Variants in SPATA16 observed in about 807,000 individuals in gnomAD.
SPATA16 encodes the protein spermatogenesis-associated protein 16.
In SPATA16, 36 loss-of-function variants were observed where a neutral mutation model predicts 63.3. The observed-to-expected ratio is 0.57, with a 90% CI of 0.44 to 0.75. The LOEUF (loss-of-function observed/expected upper bound fraction) is 0.75. Among genes scored for constraint, SPATA16 ranks in the 30% least tolerant of loss-of-function variants. The pLI, the probability that SPATA16 is intolerant of heterozygous loss-of-function variation, is 0.00. For missense variants in SPATA16, 646 were observed against 679.3 expected (o/e 0.95, Z 0.54); for synonymous variants, 203 against 216.7 (o/e 0.94, Z 0.56).
chr3:173,113,262 A>C (rs1000644058), intron 2 of SPATA16, among the ~76,000 whole-genome samples: 11 of 152,222 alleles, frequency 7.2e-5, no homozygotes, highest in Non-Finnish European at 1.0e-4. Context: ...ACAATATAAA[A>C]TAATATGAAT....
At chr3:173,021,004 C>T (rs1345126064) in intron 3 of SPATA16, among the ~76,000 whole-genome samples, 1 of 152,140 alleles carries the variant, frequency 6.6e-6, no homozygotes, top group Non-Finnish European at 1.5e-5. Flanking sequence ...ATCATAATTG[C>T]ACAAATTTAG....
At chr3:172,998,056 A>G (rs780603315) in intron 4 of SPATA16, among the ~76,000 whole-genome samples, 1 of 152,082 alleles carries the variant, frequency 6.6e-6, no homozygotes, top group African/African-American at 2.4e-5. Context: ...TTTAGGGTCA[A>G]TTTGTTTATA....
intron 3 of SPATA16, among the ~76,000 whole-genome samples, chr3:173,035,216 C>A (rs1735689614): frequency 6.6e-6 from 1 of 152,052 alleles, no homozygotes; most frequent in Non-Finnish European, 1.5e-5. Context: ...CAGTAATCAA[C>A]ACATCAAAAC....
intron 2 of SPATA16, among the ~76,000 whole-genome samples, chr3:173,090,769 A>G (rs770346897): frequency 9.2e-5 from 14 of 152,340 alleles, no homozygotes; most frequent in South Asian, 8.3e-4. Flanking sequence ...TACATTTAAC[A>G]TAGGACCAAT....
intron 2 of SPATA16, among the ~76,000 whole-genome samples, chr3:173,101,081 C>T (rs976870874): frequency 5.3e-5 from 8 of 152,160 alleles, no homozygotes; most frequent in Admixed American, 3.3e-4. Context: ...TACCCTTACA[C>T]TTTACTGGGT....
chr3:172,983,672 A>G (rs1288956907), intron 4 of SPATA16, among the ~76,000 whole-genome samples: 3 of 150,350 alleles, frequency 2.0e-5, no homozygotes, highest in Non-Finnish European at 4.4e-5. Context: ...ATAAATACAC[A>G]CTAATATTAA....
chr3:173,125,910 T>C (rs1738214374), intron 1 of SPATA16, among the ~76,000 whole-genome samples: 1 of 152,222 alleles, frequency 6.6e-6, no homozygotes, highest in Non-Finnish European at 1.5e-5. Flanking sequence ...TAATGAAACA[T>C]TCAAAAGTAT....
chr3:172,936,815 C>A (rs995692784), intron 6 of SPATA16, among the ~76,000 whole-genome samples: 36 of 152,260 alleles, frequency 2.4e-4, no homozygotes, highest in African/African-American at 8.2e-4. Flanking sequence ...TCAAGCCATT[C>A]TCCTGCCTCA....
chr3:173,098,833 G>C (rs999243102), intron 2 of SPATA16, among the ~76,000 whole-genome samples: 11 of 152,172 alleles, frequency 7.2e-5, no homozygotes, highest in Middle Eastern at 3.4e-3. Context: ...CATTAAAGCC[G>C]CCCATATGAT....
intron 2 of SPATA16, among the ~76,000 whole-genome samples, chr3:173,083,451 T>A (rs1344264612): frequency 1.3e-4 from 20 of 152,050 alleles, no homozygotes; most frequent in Admixed American, 1.3e-3. Context: ...AAGTGAAAAA[T>A]GTACAATGCA....
intron 2 of SPATA16, among the ~76,000 whole-genome samples, chr3:173,094,699 T>C (rs1263956125): frequency 1.5e-5 from 2 of 134,858 alleles, no homozygotes; most frequent in Non-Finnish European, 1.6e-5. Flanking sequence ...TTTTTTTGGC[T>C]TTTACTGTCA....
intron 1 of SPATA16, among the ~76,000 whole-genome samples, chr3:173,126,512 C>A (rs1738233538): frequency 6.6e-6 from 1 of 152,150 alleles, no homozygotes; most frequent in African/African-American, 2.4e-5. Flanking sequence ...TAAAAGTGAT[C>A]CAAGTTTCTA....
intron 2 of SPATA16, among the ~76,000 whole-genome samples, chr3:173,093,890 C>T (rs1737286204): frequency 6.6e-6 from 1 of 152,000 alleles, no homozygotes; most frequent in South Asian, 2.1e-4. Context: ...AAATAAATTC[C>T]ATTTCTCTTT....
Position 173,117,123 on chromosome 3 carries a change from A to G in SPATA16, c.609T>C (p.Leu203=), listed in dbSNP as rs1195196107. The change falls in exon 2 of 11, where the codon CTT becomes CTC. Residue 203 remains leucine (L), a synonymous_variant. Coordinates refer to ENST00000351008, the MANE Select transcript of SPATA16 (RefSeq NM_031955.6). ...ALAAGQFRTA[L]ELCSKGAVLG... ...TATATTTTCTTTAATCCCATACCTC[A>G]AGTGCTGTTCTGAACTGTCCTGCTG... 6.2e-7 allele frequency: 1 copy of G among 1,614,026 alleles called. No individual in the cohort carries two copies. The highest frequency in any genetic ancestry group is 8.5e-7 in the Non-Finnish European group (1 of 1,179,912).
rs576802861 is a variant in SPATA16 at position 172,924,485 on chromosome 3, G to A, written c.1229-168C>T. The stretch of plus-strand genomic sequence containing the variant: ...ATATGTATAACAAAGAAAGATCTAT[G>A]GGGAGAAAGGCAGAGGAGATGCTGC... On this transcript the variant is annotated intron_variant, in intron 7 of 10. Coordinates refer to ENST00000351008, the MANE Select transcript of SPATA16 (RefSeq NM_031955.6). 2.6e-5 allele frequency among the ~76,000 whole-genome samples: 4 copies of A among 152,220 alleles called. No individual in the cohort carries two copies. In the East Asian group the frequency reaches 7.7e-4, roughly 29 times the overall value.
At chr3:172,989,793 T>G (rs1474837991) in intron 4 of SPATA16, among the ~76,000 whole-genome samples, 2 of 152,194 alleles carry the variant, frequency 1.3e-5, no homozygotes, top group African/African-American at 2.4e-5. Flanking sequence ...TCTTGAAAAG[T>G]TTATACCCCA....
intron 1 of SPATA16, among the ~76,000 whole-genome samples, chr3:173,125,921 C>A (rs184875273): frequency 2.0e-5 from 3 of 152,272 alleles, no homozygotes; most frequent in African/African-American, 7.2e-5. Context: ...TCAAAAGTAT[C>A]TTTTTGTTGT....
chr3:173,085,833 G>T lies in SPATA16; in HGVS notation c.612+31287C>A, dbSNP rs545599736. Among the ~76,000 whole-genome samples, 9 of 152,252 alleles carry T rather than the reference G, an allele frequency of 5.9e-5. No individual in the cohort carries two copies. In the South Asian group the frequency reaches 1.9e-3, roughly 32 times the overall value. ...GAATTACGTTTATTGATTTGCATAT[G>T]TTGAACCAGCCTTGCATCCCAGGGA... On this transcript the variant is annotated intron_variant, in intron 2 of 10. Coordinates refer to ENST00000351008, the MANE Select transcript of SPATA16 (RefSeq NM_031955.6).
At chr3:172,962,428 A>G (rs1733811757) in intron 5 of SPATA16, among the ~76,000 whole-genome samples, 2 of 152,072 alleles carry the variant, frequency 1.3e-5, no homozygotes, top group Admixed American at 1.3e-4. Flanking sequence ...AATTTCTGAA[A>G]TTTGGGGTTG....
Sources: gnomAD v4.1 joint callset for allele counts (sites outside exome capture counted in the v4.1 genomes callset) on GRCh38, gnomAD v4.1.1 for gene constraint, MANE v1.5 for transcripts, NCBI Gene and HGNC (gene_info 2026-07-23, HGNC 2026-07-21) for gene names.